Variants in GPHN observed in about 807,000 individuals in gnomAD.
GPHN encodes gephyrin.
Under a neutral mutation model 95.5 loss-of-function variants are expected in GPHN, and 17 were observed. The ratio of observed to expected loss-of-function variants is 0.18; its 90% CI spans 0.12 to 0.27. GPHN has a LOEUF of 0.27. Ranked by LOEUF, GPHN falls within the 10% of genes least tolerant of loss-of-function variation. The pLI, the probability that GPHN is intolerant of heterozygous loss-of-function variation, is 1.00. For missense variants in GPHN, 660 were observed against 978.1 expected, an observed-to-expected ratio of 0.67 and a Z score of 4.34; for synonymous variants, 320 against 322.5, an observed-to-expected ratio of 0.99 and a Z score of 0.08.
At position 66,587,509 on chromosome 14, in the gene GPHN, T is replaced by A. The variant is rs2140550330; in HGVS notation, c.64+78918T>A. On this transcript the variant is annotated intron_variant, in intron 1 of 22. Coordinates refer to ENST00000478722, the MANE Select transcript of GPHN (RefSeq NM_020806.5). ...CTAGCAAATTAAATTCAGTAACACATTATAAGGATCTGTTGTCATGATCAA... is the reference window on the plus strand; with the variant it reads ...CTAGCAAATTAAATTCAGTAACACAATATAAGGATCTGTTGTCATGATCAA... Among the ~76,000 whole-genome samples the A allele has an allele frequency of 2.0e-5, 3 of 152,272 alleles. No homozygotes were observed. In the South Asian group the frequency reaches 6.2e-4, roughly 32 times the overall value.
the GPHN span, among the ~76,000 whole-genome samples, chr14:67,465,750 CT>C: frequency 1.0e-3 from 154 of 152,300 alleles, 1 homozygote; most frequent in Non-Finnish European, 3.5e-4. Context: ...TGAATGTTAC[CT>C]TATTTTGAAA....
chr14:67,525,145 TAAC>T, the GPHN span, among the ~76,000 whole-genome samples: 2 of 152,314 alleles, frequency 1.3e-5, no homozygotes, highest in Non-Finnish European at 2.9e-5. Context: ...AAGCAGAAAC[TAAC>T]AACATTATAT....
intron 3 of GPHN, among the ~76,000 whole-genome samples, chr14:66,817,322 C>T (rs2061013861): frequency 6.6e-6 from 1 of 152,022 alleles, no homozygotes; most frequent in Admixed American, 6.6e-5. Context: ...CTTATATAAT[C>T]ATATTCTTAA....
At chr14:67,277,780 A>G in the GPHN span, among the ~76,000 whole-genome samples, 28 of 152,168 alleles carry the variant, frequency 1.8e-4, no homozygotes, top group Non-Finnish European at 1.5e-5. Flanking sequence ...TAATTAATGT[A>G]AGTATACATT....
At chr14:66,521,024 G>T (rs2058463618) in intron 1 of GPHN, among the ~76,000 whole-genome samples, 1 of 152,094 alleles carries the variant, frequency 6.6e-6, no homozygotes, top group Non-Finnish European at 1.5e-5. Flanking sequence ...TCCCACAAAA[G>T]ACATGATCTC....
intron 1 of GPHN, among the ~76,000 whole-genome samples, chr14:66,570,617 C>T (rs1439724233): frequency 1.3e-5 from 2 of 152,036 alleles, no homozygotes; most frequent in Non-Finnish European, 2.9e-5. Flanking sequence ...ATTTCATATA[C>T]TTTTGATATA....
the GPHN span, among the ~76,000 whole-genome samples, chr14:67,697,110 T>A: frequency 6.6e-6 from 1 of 152,238 alleles, no homozygotes; most frequent in Non-Finnish European, 1.5e-5. Flanking sequence ...TCCTATAGTG[T>A]ACTAGGCACT....
chr14:67,580,080 A>C, the GPHN span: 1 of 556,176 alleles, frequency 1.8e-6, no homozygotes, highest in Non-Finnish European at 3.2e-6. Context: ...TTGTCTCTGG[A>C]GACAAGATCG....
chr14:67,405,899 T>C, the GPHN span, among the ~76,000 whole-genome samples: 4 of 152,138 alleles, frequency 2.6e-5, no homozygotes, highest in African/African-American at 4.8e-5. Context: ...CCTGAGCCAG[T>C]CTTGCAGCTA....
intron 19 of GPHN, among the ~76,000 whole-genome samples, chr14:67,162,764 T>C (rs1306295492): frequency 6.6e-6 from 1 of 152,192 alleles, no homozygotes; most frequent in East Asian, 1.9e-4. Flanking sequence ...CCAAAATAGA[T>C]GTCCAAAGAT....
chr14:66,566,075 G>A (rs1594996872), intron 1 of GPHN, among the ~76,000 whole-genome samples: 1 of 151,102 alleles, frequency 6.6e-6, no homozygotes, highest in South Asian at 2.1e-4. Context: ...CAAGAGTGAT[G>A]ATAATTTTAG....
At chr14:67,667,208 T>G in the GPHN span, among the ~76,000 whole-genome samples, 1 of 152,156 alleles carries the variant, frequency 6.6e-6, no homozygotes, top group Non-Finnish European at 1.5e-5. Flanking sequence ...TTGACCAAGG[T>G]GGGCAGCCTC....
intron 17 of GPHN, among the ~76,000 whole-genome samples, chr14:67,140,852 C>T (rs2080413437): frequency 6.6e-6 from 1 of 152,148 alleles, no homozygotes; most frequent in African/African-American, 2.4e-5. Flanking sequence ...TTTCCTAAAT[C>T]GAAATGAAAA....
chr14:66,933,942 C>CA (rs1382503679), intron 8 of GPHN, among the ~76,000 whole-genome samples: 1 of 151,656 alleles, frequency 6.6e-6, no homozygotes, highest in African/African-American at 2.4e-5. Context: ...AGTTTGAGAC[C>CA]AACCCGGGCA....
chr14:66,524,038 G>A (rs2058586697), intron 1 of GPHN, among the ~76,000 whole-genome samples: 4 of 152,034 alleles, frequency 2.6e-5, no homozygotes, highest in East Asian at 1.9e-4. Context: ...TGAGATATAG[G>A]TTTAAAGTAA....
intron 1 of GPHN, among the ~76,000 whole-genome samples, chr14:66,522,829 A>G (rs951926780): frequency 5.3e-5 from 8 of 151,594 alleles, no homozygotes; most frequent in African/African-American, 1.7e-4. Context: ...TGTTGACTGA[A>G]TATATTCTTA....
chr14:67,125,552 G>A (rs1567369102), intron 17 of GPHN, among the ~76,000 whole-genome samples: 1 of 152,194 alleles, frequency 6.6e-6, no homozygotes, highest in South Asian at 2.1e-4. Flanking sequence ...CAAGGCGGGC[G>A]GATCACCTGA....
chr14:67,279,081 G>T, the GPHN span: 103 of 1,115,160 alleles, frequency 9.2e-5, no homozygotes, highest in Middle Eastern at 2.2e-4. Flanking sequence ...TTTTTTTGAA[G>T]TAACATGGAT....
the GPHN span, among the ~76,000 whole-genome samples, chr14:67,491,983 G>C: frequency 6.6e-6 from 1 of 152,082 alleles, no homozygotes; most frequent in Admixed American, 6.6e-5. Context: ...TGTGCCCCTT[G>C]CTCTGAGCTT....
Sources: gnomAD v4.1 joint callset for allele counts (sites outside exome capture counted in the v4.1 genomes callset) on GRCh38, gnomAD v4.1.1 for gene constraint, MANE v1.5 for transcripts, NCBI Gene and HGNC (gene_info 2026-07-23, HGNC 2026-07-21) for gene names.